Variants in GRM7 observed in about 807,000 individuals in gnomAD.
GRM7 encodes metabotropic glutamate receptor 7.
GRM7 carries 35 observed loss-of-function variants against 84.5 expected under a neutral mutation model. That is an observed-to-expected ratio of 0.41 (90% confidence interval 0.32 to 0.55). The LOEUF is 0.55. Ranked by LOEUF, GRM7 falls within the 20% of genes least tolerant of loss-of-function variation. The probability of loss-of-function intolerance (pLI) is 0.19; values close to 1 mark genes in which losing one functional copy is unlikely to be tolerated. For missense variants in GRM7, 1,003 were observed against 1,194.6 expected, an observed-to-expected ratio of 0.84 and a Z score of 2.36; for synonymous variants, 487 against 455.1, an observed-to-expected ratio of 1.07 and a Z score of -0.89.
At chr3:6,923,173 C>T (rs1697181918) in intron 1 of GRM7, among the ~76,000 whole-genome samples, 2 of 151,942 alleles carry the variant, frequency 1.3e-5, no homozygotes, top group Admixed American at 6.6e-5. Flanking sequence ...TGTCATCATG[C>T]CTGGCTAATT....
chr3:7,674,647 T>C (rs1310460294), intron 8 of GRM7, among the ~76,000 whole-genome samples: 2 of 152,200 alleles, frequency 1.3e-5, no homozygotes, highest in East Asian at 1.9e-4. Context: ...TTTGCAAATA[T>C]AGAATGCATT....
chr3:7,597,869 C>T (rs1442275134), intron 8 of GRM7, among the ~76,000 whole-genome samples: 1 of 152,140 alleles, frequency 6.6e-6, no homozygotes, highest in Admixed American at 6.6e-5. Context: ...CAAGACACAT[C>T]ATAAATGAGG....
chr3:7,370,694 A>G (rs1001054572), intron 4 of GRM7, among the ~76,000 whole-genome samples: 2 of 152,088 alleles, frequency 1.3e-5, no homozygotes, highest in African/African-American at 4.8e-5. Context: ...AAATATGACT[A>G]GAAACGACTC....
chr3:7,513,093 A>G (rs527764148), intron 7 of GRM7, among the ~76,000 whole-genome samples: 42 of 152,342 alleles, frequency 2.8e-4, no homozygotes, highest in African/African-American at 1.0e-3. Flanking sequence ...GGAGTATTGC[A>G]GGACAGACAT....
At chr3:7,163,279 G>T (rs1176284030) in intron 2 of GRM7, among the ~76,000 whole-genome samples, 1 of 152,152 alleles carries the variant, frequency 6.6e-6, no homozygotes, top group African/African-American at 2.4e-5. Flanking sequence ...AGCTAGACAG[G>T]GCCCCCCAAA....
chr3:7,393,360 G>A (rs146145793), intron 4 of GRM7, among the ~76,000 whole-genome samples: 164 of 152,240 alleles, frequency 1.1e-3, no homozygotes, highest in Non-Finnish European at 1.5e-3. Context: ...TGTATACCAG[G>A]CATGAGGCCC....
intron 1 of GRM7, among the ~76,000 whole-genome samples, chr3:7,141,529 T>C (rs1168867527): frequency 1.3e-5 from 2 of 152,102 alleles, no homozygotes; most frequent in Non-Finnish European, 2.9e-5. Flanking sequence ...AGCTATACTA[T>C]GATTCTCATT....
chr3:7,056,618 T>A (rs573161907), intron 1 of GRM7, among the ~76,000 whole-genome samples: 2 of 152,158 alleles, frequency 1.3e-5, no homozygotes, highest in Non-Finnish European at 2.9e-5. Context: ...TCAGGTTTTG[T>A]AGCTACTACG....
intron 7 of GRM7, among the ~76,000 whole-genome samples, chr3:7,574,059 A>T (rs1484503253): frequency 6.6e-6 from 1 of 151,940 alleles, no homozygotes; most frequent in Non-Finnish European, 1.5e-5. Flanking sequence ...GCCTTCAAAG[A>T]TGTAAATTCT....
chr3:6,940,318 T>G (rs2125055732), intron 1 of GRM7, among the ~76,000 whole-genome samples: 1 of 152,254 alleles, frequency 6.6e-6, no homozygotes, highest in East Asian at 1.9e-4. Context: ...TCTCGATCTC[T>G]TGACCTCATT....
chr3:7,170,283 C>T (rs1301219234), intron 2 of GRM7, among the ~76,000 whole-genome samples: 3 of 152,112 alleles, frequency 2.0e-5, no homozygotes, highest in Non-Finnish European at 4.4e-5. Flanking sequence ...ATGGGCAAAT[C>T]GTGGAGGCCA....
At chr3:7,525,446 T>C (rs1404315499) in intron 7 of GRM7, among the ~76,000 whole-genome samples, 1 of 152,078 alleles carries the variant, frequency 6.6e-6, no homozygotes, top group Admixed American at 6.6e-5. Context: ...TTCAAACTCC[T>C]AGACTCGAGT....
chr3:7,352,057 C>CA (rs1277659188), intron 4 of GRM7, among the ~76,000 whole-genome samples: 62 of 136,958 alleles, frequency 4.5e-4, no homozygotes, highest in Admixed American at 1.0e-3. Context: ...CACACACACA[C>CA]CACACACACA....
At position 7,272,033 on chromosome 3, in the gene GRM7, T is replaced by C. The variant is rs1292391867; in HGVS notation, c.737-26651T>C. 3.9e-5 allele frequency among the ~76,000 whole-genome samples: 6 copies of C among 152,188 alleles called. No homozygotes were observed. In the East Asian group the frequency reaches 1.2e-3, roughly 29 times the overall value. On this transcript the variant is annotated intron_variant, in intron 2 of 9. Coordinates refer to ENST00000357716, the MANE Select transcript of GRM7 (RefSeq NM_000844.4). ...ATCAGGAGGCTTCAAATCGTACACA[T>C]ATTTTATTGAAAAAAAATCCATTTC...
intron 2 of GRM7, among the ~76,000 whole-genome samples, chr3:7,248,819 C>A (rs1697871589): frequency 6.6e-6 from 1 of 152,038 alleles, no homozygotes; most frequent in South Asian, 2.1e-4. Flanking sequence ...CTAAATGAGA[C>A]AATCAGTGTG....
chr3:7,325,803 T>C (rs542249345), intron 4 of GRM7, among the ~76,000 whole-genome samples: 2 of 152,314 alleles, frequency 1.3e-5, no homozygotes, highest in Non-Finnish European at 2.9e-5. Context: ...ATTCTTCCAA[T>C]TGATGTACCA....
intron 1 of GRM7, among the ~76,000 whole-genome samples, chr3:6,938,300 A>G (rs1254602177): frequency 1.3e-5 from 2 of 152,208 alleles, no homozygotes; most frequent in African/African-American, 2.4e-5. Flanking sequence ...CATTTGACAA[A>G]TAAAATTCAC....
chr3:7,572,877 T>TATAA (rs1361221212), intron 7 of GRM7, among the ~76,000 whole-genome samples: 20 of 67,150 alleles, frequency 3.0e-4, no homozygotes, highest in African/African-American at 9.8e-4. Context: ...TATATATATA[T>TATAA]ATAAATAATC....
intron 8 of GRM7, chr3:7,591,627 C>A: frequency 3.0e-6 from 1 of 338,790 alleles, no homozygotes; most frequent in Non-Finnish European, 5.7e-6. Context: ...GGTGACAGTG[C>A]ATTATAGAAC....
Sources: gnomAD v4.1 joint callset for allele counts (sites outside exome capture counted in the v4.1 genomes callset) on GRCh38, gnomAD v4.1.1 for gene constraint, MANE v1.5 for transcripts, NCBI Gene and HGNC (gene_info 2026-07-23, HGNC 2026-07-21) for gene names.